The following TMEM132B variants were observed in gnomAD, a reference collection of about 807,000 sequenced individuals.
TMEM132B encodes transmembrane protein 132B.
TMEM132B carries 18 observed loss-of-function variants against 90.8 expected under a neutral mutation model. The ratio of observed to expected loss-of-function variants is 0.20; its 90% confidence interval spans 0.14 to 0.29. TMEM132B has a LOEUF of 0.29. Among genes scored for constraint, TMEM132B ranks in the 10% least tolerant of loss-of-function variants. TMEM132B has a pLI of 1.00. For synonymous variants in TMEM132B, 504 were observed against 523.3 expected, an observed-to-expected ratio of 0.96 and a Z score of 0.50; for missense variants, 1,096 against 1,326.8, an observed-to-expected ratio of 0.83 and a Z score of 2.70.
At chr12:125,464,725 C>T (rs1881521569) in intron 3 of TMEM132B, among the ~76,000 whole-genome samples, 1 of 152,202 alleles carries the variant, frequency 6.6e-6, no homozygotes, top group Non-Finnish European at 1.5e-5. Flanking sequence ...ATTGTAATTT[C>T]TTGAAGTTAC....
intron 3 of TMEM132B, among the ~76,000 whole-genome samples, chr12:125,465,392 ATAAT>A (rs1421476935): frequency 2.6e-5 from 4 of 152,210 alleles, no homozygotes; most frequent in Non-Finnish European, 4.4e-5. Flanking sequence ...CAGTTACTAA[ATAAT>A]TAATGCCTTC....
chr12:125,314,556 C>A (rs890686744), intron 1 of TMEM132B, among the ~76,000 whole-genome samples: 4 of 152,132 alleles, frequency 2.6e-5, no homozygotes, highest in Non-Finnish European at 5.9e-5. Flanking sequence ...AGGGGCTCAG[C>A]TACTACTTCC....
At chr12:125,389,312 C>T (rs1055933815) in intron 2 of TMEM132B, among the ~76,000 whole-genome samples, 10 of 151,610 alleles carry the variant, frequency 6.6e-5, no homozygotes, top group Admixed American at 6.6e-4. Context: ...ATTGCAGCTC[C>T]TTTCCTCCCC....
At chr12:125,642,068 G>A (rs1886646389) in intron 5 of TMEM132B, among the ~76,000 whole-genome samples, 1 of 152,174 alleles carries the variant, frequency 6.6e-6, no homozygotes, top group South Asian at 2.1e-4. Context: ...GGCAGAACAA[G>A]CAGTGAGTTC....
At chr12:125,350,573 G>A (rs1877536483) in intron 2 of TMEM132B, among the ~76,000 whole-genome samples, 1 of 152,224 alleles carries the variant, frequency 6.6e-6, no homozygotes, top group African/African-American at 2.4e-5. Context: ...AATGAGGGAT[G>A]GGGAAGAGTG....
At chr12:125,386,239 C>T (rs896198725) in intron 2 of TMEM132B, among the ~76,000 whole-genome samples, 5 of 152,160 alleles carry the variant, frequency 3.3e-5, no homozygotes, top group African/African-American at 4.8e-5. Context: ...CTGCCTGCCT[C>T]GGTCTTCCAA....
At chr12:125,566,835 C>CTTTTTTT (rs869196346) in intron 4 of TMEM132B, among the ~76,000 whole-genome samples, 2 of 78,738 alleles carry the variant, frequency 2.5e-5, no homozygotes, top group African/African-American at 6.1e-5. Flanking sequence ...TCTTCTTCTT[C>CTTTTTTT]TTTTTTTTTT....
intron 4 of TMEM132B, among the ~76,000 whole-genome samples, chr12:125,528,686 G>A (rs1883560098): frequency 6.6e-6 from 1 of 152,158 alleles, no homozygotes; most frequent in Non-Finnish European, 1.5e-5. Flanking sequence ...CCCCTCTACA[G>A]TCAAAAATCT....
intron 2 of TMEM132B, among the ~76,000 whole-genome samples, chr12:125,367,663 G>C (rs1003477805): frequency 1.3e-5 from 2 of 152,060 alleles, no homozygotes; most frequent in East Asian, 1.9e-4. Flanking sequence ...CAAAAATGGG[G>C]GAAATTCTTC....
chr12:125,296,123 A>G (rs1011487903), intron 1 of TMEM132B, among the ~76,000 whole-genome samples: 30 of 152,348 alleles, frequency 2.0e-4, no homozygotes, highest in African/African-American at 6.5e-4. Flanking sequence ...CTCTGCTCAG[A>G]ATCCATAAGC....
chr12:125,644,264 G>T lies in TMEM132B; in HGVS notation c.1626G>T (p.Pro542=), dbSNP rs61748657. The T allele has an allele frequency of 1.9e-6, 3 of 1,613,994 alleles. No individual in the cohort carries two copies. The African/African-American group carries it at 4.0e-5, about 22-fold the overall frequency. The change falls in exon 6 of 9, where the codon CCG becomes CCT. Residue 542 remains proline, a synonymous_variant. Coordinates refer to ENST00000682704, the MANE Select transcript of TMEM132B (RefSeq NM_001366854.1). ...GCCAGATCAAGGGCTGGAGGATCCC[G>T]GTTGCTGCCAACAGAAGGTGAGGAA... ...ELSQIKGWRI[P]VAANRRPTRE...
intron 3 of TMEM132B, among the ~76,000 whole-genome samples, chr12:125,495,403 G>A (rs2136579489): frequency 6.6e-6 from 1 of 150,448 alleles, no homozygotes; most frequent in Admixed American, 6.6e-5. Flanking sequence ...CCTGTTGGAT[G>A]GCCCCTCCTC....
intron 4 of TMEM132B, among the ~76,000 whole-genome samples, chr12:125,526,524 TC>T (rs1240405764): frequency 1.3e-5 from 2 of 152,220 alleles, no homozygotes; most frequent in Non-Finnish European, 2.9e-5. Flanking sequence ...GCATCTGCAC[TC>T]ATGGAATTGC....
intron 2 of TMEM132B, among the ~76,000 whole-genome samples, chr12:125,384,137 G>GACGA (rs1878761744): frequency 6.6e-6 from 1 of 152,094 alleles, no homozygotes; most frequent in Non-Finnish European, 1.5e-5. Flanking sequence ...AGTAGAAATG[G>GACGA]GGTTTCACCA....
At chr12:125,625,686 A>C (rs540388939) in intron 5 of TMEM132B, among the ~76,000 whole-genome samples, 1 of 152,256 alleles carries the variant, frequency 6.6e-6, no homozygotes. Context: ...TTAATGGATC[A>C]TTTAGTAAAC....
intron 3 of TMEM132B, among the ~76,000 whole-genome samples, chr12:125,487,400 C>A (rs1593170311): frequency 6.6e-6 from 1 of 152,172 alleles, no homozygotes; most frequent in South Asian, 2.1e-4. Context: ...TAACAAATAA[C>A]CCTCTATCTC....
chr12:125,256,402 G>A (rs575028924), intron 1 of TMEM132B, among the ~76,000 whole-genome samples: 139 of 152,320 alleles, frequency 9.1e-4, no homozygotes, highest in African/African-American at 3.3e-3. Flanking sequence ...TGGTGCTTGC[G>A]TTGGAAGGCA....
intron 5 of TMEM132B, among the ~76,000 whole-genome samples, chr12:125,611,871 T>C (rs933886168): frequency 6.6e-6 from 1 of 152,144 alleles, no homozygotes; most frequent in Non-Finnish European, 1.5e-5. Context: ...AAGGAGAATA[T>C]GTATTTTGTT....
chr12:125,538,949 A>G (rs1883883603), intron 4 of TMEM132B, among the ~76,000 whole-genome samples: 1 of 152,152 alleles, frequency 6.6e-6, no homozygotes. Context: ...CCCAGAGTTC[A>G]ACCATTCACT....
Sources: gnomAD v4.1 joint callset for allele counts (sites outside exome capture counted in the v4.1 genomes callset) on GRCh38, gnomAD v4.1.1 for gene constraint, MANE v1.5 for transcripts, NCBI Gene and HGNC (gene_info 2026-07-23, HGNC 2026-07-21) for gene names.